PARP8: variants seen among roughly 807,000 people sequenced by gnomAD.
PARP8 encodes poly(ADP-ribose) polymerase family member 8.
A neutral mutation model predicts 124.1 loss-of-function variants in PARP8; 51 were observed. The observed-to-expected ratio is 0.41, with a 90% CI of 0.33 to 0.52. The LOEUF (loss-of-function observed/expected upper bound fraction) is 0.52, where lower values mean the gene tolerates loss of function less well. PARP8 is among the 20% of genes least tolerant of loss of function. The probability of loss-of-function intolerance (pLI) is 0.21; values close to 1 mark genes in which losing one functional copy is unlikely to be tolerated. For synonymous variants in PARP8, 391 were observed against 361.5 expected (o/e 1.08, Z -0.93); for missense variants, 860 against 1,018.9 (o/e 0.84, Z 2.12).
chr5:50,841,848 G>A (rs1334980023), intron 25 of PARP8, 118 bp from the exon 26 acceptor site: 8 of 635,416 alleles, frequency 1.3e-5, no homozygotes, highest in African/African-American at 3.9e-5. Flanking sequence ...AAAAACAACC[G>A]TATAATTTGC....
chr5:50,758,329 T>C (rs2149571971), intron 3 of PARP8, among the ~76,000 whole-genome samples: 1 of 152,328 alleles, frequency 6.6e-6, no homozygotes, highest in South Asian at 2.1e-4. Flanking sequence ...ATCTTTTGTC[T>C]CAAATTTAAT....
At chr5:50,787,629 C>T (rs1001766080) in intron 9 of PARP8, among the ~76,000 whole-genome samples, 6 of 151,874 alleles carry the variant, frequency 4.0e-5, no homozygotes, top group Non-Finnish European at 8.8e-5. Context: ...CAGGGATATT[C>T]GTGGGTGTGT....
intron 2 of PARP8, among the ~76,000 whole-genome samples, chr5:50,718,482 T>C (rs1159300126): frequency 2.0e-5 from 3 of 151,940 alleles, no homozygotes; most frequent in African/African-American, 7.2e-5. Flanking sequence ...TATACAATTA[T>C]ATATGTAATT....
intron 7 of PARP8, among the ~76,000 whole-genome samples, chr5:50,768,969 T>G (rs947340383): frequency 2.6e-5 from 4 of 152,224 alleles, no homozygotes; most frequent in African/African-American, 9.6e-5. Context: ...GATCTACACC[T>G]GCAGAATCCA....
At chr5:50,779,289 A>T (rs1740396595) in intron 9 of PARP8, among the ~76,000 whole-genome samples, 1 of 152,176 alleles carries the variant, frequency 6.6e-6, no homozygotes, top group African/African-American at 2.4e-5. Context: ...ATTTAAAAAA[A>T]AATCCTAAAA....
chr5:50,788,428 A>T, intron 9 of PARP8, 95 bp from the exon 10 acceptor site: 1 of 1,036,998 alleles, frequency 9.6e-7, no homozygotes, highest in Non-Finnish European at 1.5e-6. Context: ...GTATATGTAT[A>T]TGCACATATA....
chr5:50,828,191 A>G (rs1461356764), intron 20 of PARP8, 121 bp from the exon 21 acceptor site: 14 of 1,156,938 alleles, frequency 1.2e-5, no homozygotes, highest in Non-Finnish European at 1.8e-5. Context: ...GTAGTCAACT[A>G]CATAATACTT....
upstream of PARP8, chr5:50,666,396 C>G (rs1749279740): frequency 6.6e-6 from 1 of 151,912 alleles, no homozygotes; most frequent in Non-Finnish European, 1.5e-5. Flanking sequence ...GGGGGAGGGG[C>G]GCGGAGAGGG....
intron 3 of PARP8, among the ~76,000 whole-genome samples, chr5:50,758,026 A>G (rs1382559080): frequency 2.0e-5 from 3 of 152,104 alleles, no homozygotes; most frequent in Non-Finnish European, 4.4e-5. Context: ...TTAAGTAGCA[A>G]CCGACTTCAA....
At chr5:50,753,474 T>C (rs1213941705) in intron 3 of PARP8, among the ~76,000 whole-genome samples, 2 of 152,138 alleles carry the variant, frequency 1.3e-5, no homozygotes, top group Non-Finnish European at 2.9e-5. Context: ...AATAAACATT[T>C]ATATTTTATA....
intron 2 of PARP8, among the ~76,000 whole-genome samples, chr5:50,702,019 T>G (rs759623610): frequency 3.9e-5 from 6 of 152,186 alleles, no homozygotes; most frequent in Non-Finnish European, 8.8e-5. Context: ...TTTTGACAAC[T>G]GACCTTCTTA....
intron 2 of PARP8, among the ~76,000 whole-genome samples, chr5:50,689,670 A>G (rs1561248272): frequency 6.6e-6 from 1 of 152,170 alleles, no homozygotes; most frequent in Non-Finnish European, 1.5e-5. Context: ...GTTATCACCC[A>G]TGCTGTATTT....
chr5:50,667,165 GAGA>G lies in PARP8; in HGVS notation c.73_75del (p.Lys25del), dbSNP rs757149405. 1.7e-4 allele frequency: 268 copies of G among 1,596,422 alleles called. 2 individuals carry two copies. The East Asian group carries it at 5.8e-3, about 34-fold the overall frequency. ...CGTCGTGATCCAGAAGTCCAGAGCTGAGAAGGACTGCCTGTTTGCAGGTGAGTT... is the reference window on the plus strand; with the variant it reads ...CGTCGTGATCCAGAAGTCCAGAGCTGAGGACTGCCTGTTTGCAGGTGAGTT... On this transcript the variant is annotated inframe_deletion, in exon 1 of 26. Transcript: ENST00000281631.
intron 2 of PARP8, among the ~76,000 whole-genome samples, chr5:50,707,730 G>T (rs1253280508): frequency 6.6e-6 from 1 of 151,886 alleles, no homozygotes; most frequent in Non-Finnish European, 1.5e-5. Context: ...TTTCTTTGGG[G>T]AGTTAGGCAA....
chr5:50,728,195 G>T (rs1183129283), intron 2 of PARP8, among the ~76,000 whole-genome samples: 1 of 152,094 alleles, frequency 6.6e-6, no homozygotes, highest in African/African-American at 2.4e-5. Flanking sequence ...CAATTCTAAT[G>T]AATATTTCTA....
intron 3 of PARP8, chr5:50,757,236 A>G (rs551220917): frequency 5.3e-5 from 24 of 453,004 alleles, no homozygotes; most frequent in African/African-American, 4.4e-4. Flanking sequence ...AGAAATAGAT[A>G]AATTCCTAGA....
At chr5:50,735,809 G>A (rs1225055803) in intron 2 of PARP8, among the ~76,000 whole-genome samples, 7 of 151,862 alleles carry the variant, frequency 4.6e-5, no homozygotes, top group African/African-American at 1.7e-4. Flanking sequence ...TTAAGTGGGG[G>A]TTGGTATAGG....
At chr5:50,754,182 T>C (rs11954390) in intron 3 of PARP8, among the ~76,000 whole-genome samples, 3,803 of 23,514 alleles carry the variant, frequency 0.16, 360 homozygotes, top group African/African-American at 0.35. Flanking sequence ...CACACACACA[T>C]ATATATATAT....
At chr5:50,797,082 GT>G in intron 13 of PARP8, 50 bp downstream of exon 13, 1 of 1,609,058 alleles carries the variant, frequency 6.2e-7, no homozygotes, top group South Asian at 1.1e-5. Flanking sequence ...TTCTTACGGG[GT>G]TTTTAAATCA....
Sources: allele counts gnomAD v4.1 joint callset (sites outside exome capture counted in the v4.1 genomes callset), GRCh38; gene constraint gnomAD v4.1.1; transcripts MANE v1.5; gene names NCBI Gene and HGNC (gene_info 2026-07-23, HGNC 2026-07-21).